The following PYGB variants were observed in gnomAD, a reference collection of about 807,000 sequenced individuals.
PYGB encodes the protein glycogen phosphorylase, brain form.
Under a neutral mutation model 94.3 loss-of-function variants are expected in PYGB, and 82 were observed. That is an observed-to-expected ratio of 0.87 (90% CI 0.73 to 1.04). The LOEUF (loss-of-function observed/expected upper bound fraction) is 1.04, where lower values mean the gene tolerates loss of function less well. Ranked by LOEUF, PYGB falls within the 50% of genes least tolerant of loss-of-function variation. The pLI, the probability that PYGB is intolerant of heterozygous loss-of-function variation, is 0.00. For synonymous variants in PYGB, 488 were observed against 479.1 expected (o/e 1.02, Z -0.24); for missense variants, 1,132 against 1,158.2 (o/e 0.98, Z 0.33).
intron 18 of PYGB, 49 bp from the exon 19 acceptor site, chr20:25,295,555 G>A (rs1600748076): frequency 1.9e-6 from 3 of 1,566,876 alleles, no homozygotes; most frequent in Non-Finnish European, 2.6e-6. Flanking sequence ...GGGACAGTGT[G>A]GGCAGGGCTC....
intron 19 of PYGB, 70 bp from the exon 20 acceptor site, chr20:25,296,300 T>G: frequency 6.3e-7 from 1 of 1,574,960 alleles, no homozygotes; most frequent in Non-Finnish European, 8.7e-7. Flanking sequence ...CCTAAAGTTC[T>G]GGAATCCCAT....
At chr20:25,283,083 G>A in intron 12 of PYGB, 93 bp from the exon 13 acceptor site, 2 of 1,051,176 alleles carry the variant, frequency 1.9e-6, no homozygotes, top group Non-Finnish European at 2.9e-6. Context: ...GGAAAGCAGG[G>A]GCGTGGGCAA....
Position 25,276,569 on chromosome 20 carries a change from A to G in PYGB, c.661-77A>G. The G allele has an allele frequency of 1.6e-6, 2 of 1,227,318 alleles. 1 individual carries two copies. Among genetic ancestry groups the G allele is most frequent in the Non-Finnish European group, 2.4e-6 (2 of 845,386 alleles). 76.0% of individuals were successfully genotyped at this position (1,227,318 alleles called of 1,614,324 possible). A position where few individuals can be genotyped will look rare whatever the true frequency, so the allele number is the denominator to read the frequency against. On this transcript the variant is annotated intron_variant, in intron 5 of 19. Transcript: ENST00000216962. Reference sequence around the variant, plus strand: ...AGCAGGGCGCCAGGTGCCCAGGAGGAGGCTGGGCCGGGGAGAGGCACAGGG... The same window carrying G: ...AGCAGGGCGCCAGGTGCCCAGGAGGGGGCTGGGCCGGGGAGAGGCACAGGG...
intron 8 of PYGB, 143 bp from the exon 9 acceptor site, chr20:25,278,914 C>A: frequency 2.6e-6 from 2 of 760,010 alleles, no homozygotes; most frequent in Non-Finnish European, 2.1e-6. Context: ...GCTCCCTCCA[C>A]AGAACCCCTC....
At chr20:25,290,792 C>T (rs1485681660) in intron 16 of PYGB, among the ~76,000 whole-genome samples, 170 bp downstream of exon 16, 1 of 152,204 alleles carries the variant, frequency 6.6e-6, no homozygotes, top group African/African-American at 2.4e-5. Flanking sequence ...GCTCCCCGTG[C>T]AGTGCGGAGG....
Position 25,280,545 on chromosome 20 carries a change from T to TG in PYGB, c.1239+138dup. 4 of 1,276,586 alleles carry TG rather than the reference T, an allele frequency of 3.1e-6. No homozygotes were observed. In the South Asian group the frequency reaches 5.7e-5, roughly 18 times the overall value. The allele number at this position is 1,276,586 out of a possible 1,614,324, so 79.1% of individuals were successfully genotyped here. A position where few individuals can be genotyped will look rare whatever the true frequency, so the allele number is the denominator to read the frequency against. ...CTGTTCAGCAGAGGATGCTTGGGGC[T>TG]GGGGGCTGTCCCTTGGCAGAGCTAT... On this transcript the variant is annotated intron_variant, in intron 10 of 19. Transcript: ENST00000216962.
intron 2 of PYGB, among the ~76,000 whole-genome samples, chr20:25,262,501 C>T (rs59242979): frequency 0.048 from 7,265 of 152,222 alleles, 182 homozygotes; most frequent in Middle Eastern, 0.11. Flanking sequence ...AAGGAACAGC[C>T]GGTACCAGCC....
At chr20:25,273,928 G>A (rs971198881) in intron 4 of PYGB, among the ~76,000 whole-genome samples, 1 of 152,218 alleles carries the variant, frequency 6.6e-6, no homozygotes, top group Non-Finnish European at 1.5e-5. Context: ...GCTCACTGCA[G>A]CTTCGACCTT....
At position 25,277,272 on chromosome 20, in the gene PYGB, C is replaced by T; in HGVS notation, c.801C>T (p.Val267=). The change falls in exon 7 of 20, where the codon GTC becomes GTT. Residue 267 remains valine, a synonymous_variant. Transcript: ENST00000216962. ...ACGTGGGAGACTACATCGAGGCGGTCCTGGACCGGAACTTGGCTGAGAACA... is the reference window on the plus strand; with the variant it reads ...ACGTGGGAGACTACATCGAGGCGGTTCTGGACCGGAACTTGGCTGAGAACA... ...DFNVGDYIEA[V]LDRNLAENIS... The T allele has an allele frequency of 6.3e-7, 1 of 1,584,158 alleles. No homozygotes were observed. The highest frequency in any genetic ancestry group is 8.7e-7 in the Non-Finnish European group (1 of 1,152,856).
In PYGB at chr20:25,297,062, A is replaced by AGCCCCCT. The variant is rs1051584071; in HGVS notation, c.*552_*558dup. On this transcript the variant is annotated 3_prime_UTR_variant, in exon 20 of 20. Coordinates refer to ENST00000216962, the MANE Select transcript of PYGB (RefSeq NM_002862.4). ...CGGATCCTCTAGGCATCGCCTTCAC[A>AGCCCCCT]GCCCCCTGCCCCCTGCCCTCTGTCC... is the stretch of plus-strand genomic sequence containing the variant. 1 of 161,354 alleles carries AGCCCCCT rather than the reference A, an allele frequency of 6.2e-6. No homozygotes were observed. The highest frequency in any genetic ancestry group is 1.4e-5 in the Non-Finnish European group (1 of 73,242). The allele number at this position is 161,354 out of a possible 1,614,324, so 10.0% of individuals were successfully genotyped here.
intron 2 of PYGB, among the ~76,000 whole-genome samples, chr20:25,267,878 C>T (rs1169246736): frequency 2.0e-5 from 3 of 152,120 alleles, no homozygotes; most frequent in Admixed American, 2.0e-4. Context: ...GACATTTGCC[C>T]TCCTAGGTAG....
At chr20:25,258,886 G>T (rs544594272) in intron 1 of PYGB, among the ~76,000 whole-genome samples, 39 of 152,396 alleles carry the variant, frequency 2.6e-4, no homozygotes, top group South Asian at 1.0e-3. Flanking sequence ...CACATGGCTG[G>T]TAAGAGGCTG....
chr20:25,269,629 C>T (rs2088248813), intron 3 of PYGB, among the ~76,000 whole-genome samples: 1 of 152,186 alleles, frequency 6.6e-6, no homozygotes, highest in Non-Finnish European at 1.5e-5. Context: ...TGAGGGTCTT[C>T]AGCCCTCTCC....
At chr20:25,283,778 T>C (rs1459091445) in intron 13 of PYGB, among the ~76,000 whole-genome samples, 2 of 152,188 alleles carry the variant, frequency 1.3e-5, no homozygotes, top group African/African-American at 2.4e-5. Context: ...TAGTTCTCCT[T>C]GTAGTCCTTT....
At position 25,294,167 on chromosome 20, in the gene PYGB, C is replaced by G; in HGVS notation, c.2187C>G (p.Ala729=). ...GCCCATCGCCTCACAGGTACAATGC[C>G]AGGGAGTACTACGACCACCTGCCCG... ...VEALDRKGYN[A]REYYDHLPEL... is the part of the protein sequence containing the mutation. Residue 729 remains alanine (A), a synonymous_variant, in exon 18 of 20, where the codon GCC becomes GCG. Transcript: ENST00000216962. 1.2e-6 allele frequency: 2 copies of G among 1,613,726 alleles called. No individual in the cohort carries two copies. The highest frequency in any genetic ancestry group is 1.7e-6 in the Non-Finnish European group (2 of 1,180,014).
intron 5 of PYGB, 33 bp downstream of exon 5, chr20:25,274,756 G>A (rs199711939): frequency 6.2e-7 from 1 of 1,602,616 alleles, no homozygotes; most frequent in Non-Finnish European, 8.5e-7. Flanking sequence ...GGGCAAGGCT[G>A]GAGCCAGGTG....
intron 5 of PYGB, among the ~76,000 whole-genome samples, chr20:25,275,435 A>G (rs2088302579): frequency 6.6e-6 from 1 of 152,154 alleles, no homozygotes; most frequent in Admixed American, 6.5e-5. Context: ...ACGTGGGGGC[A>G]TCGGTGAGAC....
rs1377596515 is a variant in PYGB at position 25,283,257 on chromosome 20, G to A, written c.1600G>A (p.Asp534Asn). 1 of 1,613,710 alleles carries A rather than the reference G, an allele frequency of 6.2e-7. No homozygotes were observed. The highest frequency in any genetic ancestry group is 8.5e-7 in the Non-Finnish European group (1 of 1,179,830). Reference sequence around the variant, plus strand: ...GGTCAGTGACGAGGTGTTCATCAGGGACGTGGCCAAGGTCAAACAGGTAGG... The same window carrying A: ...GGTCAGTGACGAGGTGTTCATCAGGAACGTGGCCAAGGTCAAACAGGTAGG... ...PLVSDEVFIR[D>N]VAKVKQENKL... The change falls in exon 13 of 20, where the codon GAC becomes AAC. Residue 534 changes from aspartate (D) to asparagine (N), a missense_variant. Asp to Asn is a conservative substitution (Grantham distance 23, BLOSUM62 1). Coordinates refer to ENST00000216962, the MANE Select transcript of PYGB (RefSeq NM_002862.4).
At chr20:25,278,189 A>G (rs1487053810) in intron 7 of PYGB, 130 bp from the exon 8 acceptor site, 2 of 1,036,186 alleles carry the variant, frequency 1.9e-6, no homozygotes, top group Admixed American at 2.9e-5. Flanking sequence ...GGCAGGCCCC[A>G]GTGTCAGGCA....
Sources: allele counts gnomAD v4.1 joint callset (sites outside exome capture counted in the v4.1 genomes callset), GRCh38; gene constraint gnomAD v4.1.1; transcripts MANE v1.5; gene names NCBI Gene and HGNC (gene_info 2026-07-23, HGNC 2026-07-21).